TJP2: variants seen among roughly 807,000 people sequenced by gnomAD.
The protein encoded by TJP2 is Friedreich ataxia region gene X104 (tight junction protein ZO-2).
TJP2 carries 91 observed loss-of-function variants against 133.1 expected under a neutral mutation model. The ratio of observed to expected loss-of-function variants is 0.68; its 90% CI spans 0.58 to 0.81. TJP2 has a LOEUF of 0.81. TJP2 is among the 40% of genes least tolerant of loss of function. TJP2 has a pLI of 0.00. For missense variants in TJP2, 1,541 were observed against 1,565.6 expected, an observed-to-expected ratio of 0.98 and a Z score of 0.26; for synonymous variants, 592 against 583.4, an observed-to-expected ratio of 1.01 and a Z score of -0.21.
intron 1 of TJP2, among the ~76,000 whole-genome samples, chr9:69,203,606 G>GGTTTTTTT (rs1330482251): frequency 6.9e-5 from 4 of 57,584 alleles, no homozygotes; most frequent in Non-Finnish European, 1.5e-4. Context: ...GCCCAGCCTG[G>GGTTTTTTT]ATTTTTTTTT....
chr9:69,226,124 CA>C lies in TJP2; in HGVS notation c.1160del (p.Gln387ArgfsTer9), dbSNP rs1266010326. On this transcript the variant is annotated frameshift_variant, in exon 7 of 23. Transcript: ENST00000377245. LOFTEE classifies it high-confidence loss of function. ...LQLVVLRDSQ[Q>X]TLINIPSLND... Reference sequence around the variant, plus strand: ...GCTAGTGGTGTTGAGAGACAGCCAGCAGACCCTCATCAACATCCCGTCATTA... The same window carrying C: ...GCTAGTGGTGTTGAGAGACAGCCAGCGACCCTCATCAACATCCCGTCATTA... 1 of 1,614,134 alleles carries C rather than the reference CA, an allele frequency of 6.2e-7. No individual in the cohort carries two copies. Among genetic ancestry groups the C allele is most frequent in the South Asian group, 1.1e-5 (1 of 91,078 alleles).
chr9:69,222,508 T>C (rs1053318629), intron 5 of TJP2, among the ~76,000 whole-genome samples: 1 of 152,136 alleles, frequency 6.6e-6, no homozygotes, highest in South Asian at 2.1e-4. Context: ...GTACCCAGCA[T>C]TGACCTAAAT....
chr9:69,237,937 T>G lies in TJP2; in HGVS notation c.2239T>G (p.Leu747Val). ...CATAGCTGATATAGCAATGGAAAAA[T>G]TGGCTAATGAGTTACCTGACTGGTT... ...GPIADIAMEK[L>V]ANELPDWFQT... Residue 747 changes from leucine (L) to valine (V), a missense_variant, in exon 15 of 23, where the codon TTG becomes GTG. Coordinates refer to ENST00000377245, the MANE Select transcript of TJP2 (RefSeq NM_004817.4). The G allele has an allele frequency of 6.2e-7, 1 of 1,613,900 alleles. No homozygotes were observed. Among genetic ancestry groups the G allele is most frequent in the Non-Finnish European group, 8.5e-7 (1 of 1,179,860 alleles).
chr9:69,206,638 C>T (rs544720878), intron 1 of TJP2, among the ~76,000 whole-genome samples: 56 of 151,898 alleles, frequency 3.7e-4, no homozygotes, highest in Admixed American at 5.9e-4. Flanking sequence ...AGTGCAGTGG[C>T]GCGATTTCGG....
intron 10 of TJP2, 143 bp from the exon 11 acceptor site, chr9:69,229,939 A>C: frequency 9.7e-7 from 1 of 1,027,218 alleles, no homozygotes; most frequent in Non-Finnish European, 1.5e-6. Context: ...AGGATATATG[A>C]GATAGATGAG....
At chr9:69,214,273 A>G (rs1828175023) in intron 2 of TJP2, among the ~76,000 whole-genome samples, 1 of 151,928 alleles carries the variant, frequency 6.6e-6, no homozygotes, top group Non-Finnish European at 1.5e-5. Context: ...TTTAGTAGAG[A>G]TGGGGTTTTG....
At chr9:69,232,446 G>A (rs947047248) in intron 11 of TJP2, among the ~76,000 whole-genome samples, 1 of 152,202 alleles carries the variant, frequency 6.6e-6, no homozygotes, top group Non-Finnish European at 1.5e-5. Context: ...GGAAAGGACT[G>A]TTCAATGTAA....
intron 2 of TJP2, among the ~76,000 whole-genome samples, chr9:69,156,315 G>T (rs1823753087): frequency 6.6e-6 from 1 of 152,104 alleles, no homozygotes; most frequent in African/African-American, 2.4e-5. Context: ...GGTGAGCTGA[G>T]ATTGCCACTG....
exon 2 of TJP2, chr9:69,151,740 G>A: frequency 3.2e-6 from 4 of 1,232,156 alleles, no homozygotes; most frequent in Non-Finnish European, 4.0e-6. Flanking sequence ...AGGAAGCACA[G>A]AGCTGTACCA....
At chr9:69,224,055 A>C (rs549886558) in intron 5 of TJP2, among the ~76,000 whole-genome samples, 1 of 152,358 alleles carries the variant, frequency 6.6e-6, no homozygotes, top group African/African-American at 2.4e-5. Flanking sequence ...CAAGTTTATT[A>C]AGTAAAACCA....
At chr9:69,179,514 T>TTC (rs1396271048) in intron 1 of TJP2, among the ~76,000 whole-genome samples, 1 of 149,698 alleles carries the variant, frequency 6.7e-6, no homozygotes, top group Non-Finnish European at 1.5e-5. Context: ...TTTCTTTCTT[T>TTC]TTTTTTTTTT....
At chr9:69,139,400 CT>C (rs1384778990) in intron 1 of TJP2, among the ~76,000 whole-genome samples, 1 of 152,152 alleles carries the variant, frequency 6.6e-6, no homozygotes, top group African/African-American at 2.4e-5. Flanking sequence ...AAGGTGGCCC[CT>C]AATCCAATCT....
chr9:69,194,419 C>A (rs1249113099), intron 1 of TJP2, among the ~76,000 whole-genome samples: 2 of 152,144 alleles, frequency 1.3e-5, no homozygotes, highest in African/African-American at 4.8e-5. Context: ...CACACAGTGT[C>A]TGCCATAGCA....
chr9:69,227,930 A>G (rs746989607), intron 8 of TJP2, 51 bp from the exon 9 acceptor site: 1 of 1,613,890 alleles, frequency 6.2e-7, no homozygotes, highest in South Asian at 1.1e-5. Flanking sequence ...ACACATATGT[A>G]TTTATGAAAC....
intron 1 of TJP2, among the ~76,000 whole-genome samples, chr9:69,209,761 A>AC (rs1827724195): frequency 6.6e-6 from 1 of 151,810 alleles, no homozygotes; most frequent in Non-Finnish European, 1.5e-5. Context: ...CAAAAAAAAA[A>AC]AACAAAAAAA....
At chr9:69,201,951 G>C (rs143609009) in intron 1 of TJP2, among the ~76,000 whole-genome samples, 1 of 152,272 alleles carries the variant, frequency 6.6e-6, no homozygotes, top group African/African-American at 2.4e-5. Flanking sequence ...GTTGCCAGGA[G>C]CTGAGGGGAG....
rs565147783 is a variant in TJP2, at chr9:69,195,781, C to T, written c.61-16767C>T. Among the ~76,000 whole-genome samples the T allele has an allele frequency of 2.6e-4, 39 of 152,270 alleles. No homozygotes were observed. In the South Asian group the frequency reaches 6.4e-3, roughly 25 times the overall value. ...AAACAGCCAGAAATAAAATCCGACT[C>T]GACTCCCTTTCTGCACCCTCTTCTT... On this transcript the variant is annotated intron_variant, in intron 1 of 22. Transcript: ENST00000377245.
At position 69,174,287 on chromosome 9, in the gene TJP2, C is replaced by T. The variant is rs1182032210; in HGVS notation, c.-86C>T. 3 of 1,548,830 alleles carry T rather than the reference C, an allele frequency of 1.9e-6. No individual in the cohort carries two copies. Among genetic ancestry groups the T allele is most frequent in the South Asian group, 2.4e-5 (2 of 83,846 alleles). On this transcript the variant is annotated 5_prime_UTR_variant, in exon 1 of 23. Transcript: ENST00000377245. The stretch of plus-strand genomic sequence containing the variant: ...GTTGGGCTGCGGGTCAGAGCACTGT[C>T]CGGTGGTGCCCAGGAGGAGTAGGAG...
intron 1 of TJP2, among the ~76,000 whole-genome samples, chr9:69,179,533 G>A (rs1193945236): frequency 6.8e-6 from 1 of 146,330 alleles, no homozygotes; most frequent in East Asian, 1.9e-4. Context: ...TTTTGAGACG[G>A]AGTCTCCCTC....
Sources: allele counts gnomAD v4.1 joint callset (sites outside exome capture counted in the v4.1 genomes callset), GRCh38; gene constraint gnomAD v4.1.1; transcripts MANE v1.5; gene names NCBI Gene and HGNC (gene_info 2026-07-23, HGNC 2026-07-21).